Variants in SLIT1 observed in about 807,000 individuals in gnomAD.
SLIT1 encodes the protein slit homolog 1 protein.
SLIT1 carries 66 observed loss-of-function variants against 186.1 expected under a neutral mutation model. That is an observed-to-expected ratio of 0.35 (90% CI 0.29 to 0.44). The LOEUF is 0.44. Ranked by LOEUF, SLIT1 falls within the 20% of genes least tolerant of loss-of-function variation. SLIT1 has a pLI of 1.00. For synonymous variants in SLIT1, 761 were observed against 833.8 expected (o/e 0.91, Z 1.50); for missense variants, 1,638 against 2,037.4 (o/e 0.80, Z 3.77).
intron 4 of SLIT1, among the ~76,000 whole-genome samples, chr10:97,114,378 G>A (rs940618900): frequency 2.0e-4 from 30 of 152,124 alleles, no homozygotes; most frequent in Admixed American, 5.2e-4. Flanking sequence ...GTACAGGCTG[G>A]GTGCAGCAGA....
intron 4 of SLIT1, among the ~76,000 whole-genome samples, chr10:97,084,413 C>A (rs145056164): frequency 2.9e-4 from 44 of 152,270 alleles, no homozygotes; most frequent in African/African-American, 9.4e-4. Flanking sequence ...TCCTCATGCA[C>A]CCCTAGCACT....
chr10:97,173,946 C>A (rs576857525), intron 1 of SLIT1, among the ~76,000 whole-genome samples: 48 of 152,174 alleles, frequency 3.2e-4, no homozygotes, highest in Admixed American at 2.6e-4. Context: ...AAATACCAGC[C>A]CCTCAGCAGC....
At chr10:97,066,179 G>T in intron 4 of SLIT1, 93 bp from the exon 5 acceptor site, 1 of 1,011,580 alleles carries the variant, frequency 9.9e-7, no homozygotes, top group Non-Finnish European at 1.5e-6. Context: ...GGGCAGGTGG[G>T]CTGGAGGGCA....
chr10:97,054,982 C>T (rs2636807), intron 13 of SLIT1, among the ~76,000 whole-genome samples: 69,706 of 152,054 alleles, frequency 0.46, 19,799 homozygotes, highest in East Asian at 0.74. Flanking sequence ...CTTTGGGAGG[C>T]CGAGGCAGGT....
intron 1 of SLIT1, among the ~76,000 whole-genome samples, chr10:97,166,554 G>GAGAGAGAGAGAGA (rs1491239491): frequency 2.8e-5 from 1 of 35,328 alleles, no homozygotes; most frequent in Non-Finnish European, 5.1e-5. Flanking sequence ...AAGGAAGGAA[G>GAGAGAGAGAGAGA]GAAAGAGAGA....
At position 97,006,808 on chromosome 10, in the gene SLIT1, A is replaced by G. The variant is rs1848363248; in HGVS notation, c.3342-88T>C. 3 of 872,894 alleles carry G rather than the reference A, an allele frequency of 3.4e-6. No individual in the cohort carries two copies. The highest frequency in any genetic ancestry group is 2.6e-5 in the East Asian group (1 of 38,230). The allele number at this position is 872,894 out of a possible 1,614,324, so 54.1% of individuals were successfully genotyped here. A position where few individuals can be genotyped will look rare whatever the true frequency, so the allele number is the denominator to read the frequency against. ...AGCCCTGGAGAGAAATTCACTAAAC[A>G]TCTTGGGAAAATGGATTCTTAAAGC... On this transcript the variant is annotated intron_variant, in intron 31 of 36. Transcript: ENST00000266058. This position sits in a 1 kb window ranked among gnomAD's most constrained non-coding sequence, Gnocchi z 4.0.
intron 24 of SLIT1, among the ~76,000 whole-genome samples, chr10:97,031,036 G>A (rs1015557216): frequency 6.6e-6 from 1 of 150,422 alleles, no homozygotes; most frequent in East Asian, 1.9e-4. Context: ...CAAGCCCTTC[G>A]GAGGACTGAA....
chr10:97,131,545 GC>G (rs1179695285), intron 4 of SLIT1, among the ~76,000 whole-genome samples: 1 of 152,172 alleles, frequency 6.6e-6, no homozygotes, highest in Admixed American at 6.5e-5. Context: ...TACCAGCCAG[GC>G]CCTAGAGACC....
chr10:97,160,658 T>G (rs911971066), intron 3 of SLIT1, among the ~76,000 whole-genome samples: 2 of 152,208 alleles, frequency 1.3e-5, no homozygotes, highest in Non-Finnish European at 2.9e-5. Flanking sequence ...AAATGCACAT[T>G]TATATGTTTT....
At position 97,002,810 on chromosome 10, in the gene SLIT1, C is replaced by T; in HGVS notation, c.4048G>A (p.Gly1350Ser). Reference protein sequence around the residue: ...EPCRKLYCLHGICQPNATPGP... With the variant: ...EPCRKLYCLHSICQPNATPGP... The stretch of plus-strand genomic sequence containing the variant: ...GGGGTGGCATTGGGCTGGCAGATGC[C>T]ATGCAGGCAGTAGAGCTTGCGGCAG... Residue 1350 changes from glycine (G) to serine (S), a missense_variant, in exon 35 of 37, where the codon GGC becomes AGC. Coordinates refer to ENST00000266058, the MANE Select transcript of SLIT1 (RefSeq NM_003061.3). 1 of 1,614,132 alleles carries T rather than the reference C, an allele frequency of 6.2e-7. No individual in the cohort carries two copies. Among genetic ancestry groups the T allele is most frequent in the Non-Finnish European group, 8.5e-7 (1 of 1,180,000 alleles).
chr10:97,051,791 G>A (rs371659102), intron 13 of SLIT1, among the ~76,000 whole-genome samples: 5 of 140,068 alleles, frequency 3.6e-5, no homozygotes, highest in Non-Finnish European at 6.1e-5. Context: ...CAGCCTGGGC[G>A]ACAGAGTGAA....
intron 4 of SLIT1, among the ~76,000 whole-genome samples, chr10:97,089,066 GC>G (rs1225345440): frequency 2.0e-5 from 3 of 152,218 alleles, no homozygotes; most frequent in African/African-American, 7.2e-5. Flanking sequence ...AATGGCTGAA[GC>G]CCTGCAGGAG....
At chr10:97,114,495 T>G (rs1849493013) in intron 4 of SLIT1, among the ~76,000 whole-genome samples, 1 of 152,016 alleles carries the variant, frequency 6.6e-6, no homozygotes, top group Non-Finnish European at 1.5e-5. Context: ...CAACAAAAAT[T>G]TTTTAATTAA....
At chr10:97,044,432 A>G (rs1407640474) in intron 18 of SLIT1, among the ~76,000 whole-genome samples, 1 of 152,202 alleles carries the variant, frequency 6.6e-6, no homozygotes, top group African/African-American at 2.4e-5. Flanking sequence ...ACAAAAACCC[A>G]GCTCAATTTC....
At chr10:97,163,283 C>G in intron 3 of SLIT1, 97 bp downstream of exon 3, 1 of 1,050,676 alleles carries the variant, frequency 9.5e-7, no homozygotes, top group East Asian at 2.4e-5. Flanking sequence ...GGGGTCCCCT[C>G]CCATGAGTGC....
In SLIT1 at chr10:97,068,597, A is replaced by T. The variant is rs115661679; in HGVS notation, c.414-2511T>A. On this transcript the variant is annotated intron_variant, in intron 4 of 36. Transcript: ENST00000266058. This position sits in a 1 kb window ranked among gnomAD's most constrained non-coding sequence, Gnocchi z 4.2. ...GGGAGATGGTTCAAGCCTGCAGCAC[A>T]GACACAGCTGTCCCTCCTCCAGAGC... Among the ~76,000 whole-genome samples, 2,108 of 152,262 alleles carry T rather than the reference A, an allele frequency of 0.014. 47 individuals are homozygous for T. The highest frequency in any genetic ancestry group is 0.044 in the African/African-American group (1,840 of 41,548).
intron 25 of SLIT1, among the ~76,000 whole-genome samples, chr10:97,024,349 G>T (rs982778117): frequency 1.3e-5 from 2 of 152,156 alleles, no homozygotes; most frequent in Non-Finnish European, 2.9e-5. Flanking sequence ...GCGACCTTGA[G>T]TGGCTCCCTT....
Position 97,042,987 on chromosome 10 carries a change from G to T in SLIT1, c.2078C>A (p.Thr693Lys). ...AGGGTTCTGGCATCGCGGGTTCCCC[G>T]TCACGATCTTGCGCTTCCGTAGCCA... ...GGWLRKRKIV[T>K]GNPRCQNPDF... is the part of the protein sequence containing the mutation. The change falls in exon 20 of 37, where the codon ACG (threonine) becomes AAG (lysine). Residue 693 changes from threonine (T) to lysine (K), a missense_variant. Physicochemically the swap from Thr to Lys is moderately conservative, Grantham distance 78 (BLOSUM62 -1). Coordinates refer to ENST00000266058, the MANE Select transcript of SLIT1 (RefSeq NM_003061.3). 6.2e-7 allele frequency: 1 copy of T among 1,614,240 alleles called. No individual in the cohort carries two copies.
chr10:97,021,255 C>T lies in SLIT1; in HGVS notation c.2741G>A (p.Cys914Tyr). Residue 914 changes from cysteine to tyrosine, a missense_variant, in exon 26 of 37, where the codon TGC (cysteine) becomes TAC (tyrosine). Transcript: ENST00000266058. The surrounding 1 kb of genome is among the most constrained non-coding windows in gnomAD (Gnocchi z 4.5). ...LLTTPAKKFE[C>Y]QGPPTLAVQA... ...GGCTGTGCTCCTAGGCTCACCTTGG[C>T]ATTCAAACTTCTTGGCAGGCGTGGT... 6.2e-7 allele frequency: 1 copy of T among 1,613,674 alleles called. No homozygotes were observed. The highest frequency in any genetic ancestry group is 8.5e-7 in the Non-Finnish European group (1 of 1,179,748).
Sources: gnomAD v4.1 joint callset for allele counts (sites outside exome capture counted in the v4.1 genomes callset) on GRCh38, gnomAD v4.1.1 for gene constraint, Gnocchi (gnomAD v3.1) non-coding constraint, MANE v1.5 for transcripts, NCBI Gene and HGNC (gene_info 2026-07-23, HGNC 2026-07-21) for gene names.